ZMAT4: variants seen among roughly 807,000 people sequenced by gnomAD.
ZMAT4 encodes zinc finger matrin-type protein 4.
Under a neutral mutation model 28.7 loss-of-function variants are expected in ZMAT4, and 17 were observed. The observed-to-expected ratio is 0.59, with a 90% CI of 0.41 to 0.89. The LOEUF is 0.89. Among genes scored for constraint, ZMAT4 ranks in the 40% least tolerant of loss-of-function variants. ZMAT4 has a pLI of 0.00. For synonymous variants in ZMAT4, 117 were observed against 109.2 expected (o/e 1.07, Z -0.44); for missense variants, 240 against 283.8 (o/e 0.85, Z 1.11).
intron 2 of ZMAT4, among the ~76,000 whole-genome samples, chr8:40,789,673 C>T (rs1445078246): frequency 1.3e-5 from 2 of 151,928 alleles, no homozygotes; most frequent in Non-Finnish European, 2.9e-5. Flanking sequence ...TCTCATGTAC[C>T]CCATAAATAT....
At chr8:40,687,627 C>T (rs553274501) in intron 4 of ZMAT4, among the ~76,000 whole-genome samples, 4 of 152,232 alleles carry the variant, frequency 2.6e-5, no homozygotes, top group African/African-American at 9.6e-5. Flanking sequence ...GTATGGACCT[C>T]TTTCTCTCTG....
chr8:40,545,672 G>A (rs1204858301), intron 6 of ZMAT4, among the ~76,000 whole-genome samples: 1 of 152,142 alleles, frequency 6.6e-6, no homozygotes, highest in African/African-American at 2.4e-5. Flanking sequence ...GAAGTCAGGA[G>A]AAAGGCCTCA....
chr8:40,637,580 T>A (rs571982041), intron 5 of ZMAT4, among the ~76,000 whole-genome samples: 1 of 152,206 alleles, frequency 6.6e-6, no homozygotes, highest in Non-Finnish European at 1.5e-5. Flanking sequence ...AATTCCCCAA[T>A]GCCATATTAA....
intron 2 of ZMAT4, among the ~76,000 whole-genome samples, chr8:40,812,943 A>AG (rs1815383501): frequency 2.2e-5 from 1 of 46,318 alleles, no homozygotes; most frequent in Non-Finnish European, 6.1e-5. Flanking sequence ...CAAAAATTAA[A>AG]TTAAATTAAA....
intron 2 of ZMAT4, among the ~76,000 whole-genome samples, chr8:40,769,786 G>GTTT (rs5891121): frequency 6.9e-6 from 1 of 145,120 alleles, no homozygotes; most frequent in African/African-American, 2.5e-5. Flanking sequence ...GTTTGTGGCT[G>GTTT]TTTTTTTTTT....
At chr8:40,895,928 C>T (rs1649498992) in intron 1 of ZMAT4, among the ~76,000 whole-genome samples, 1 of 152,136 alleles carries the variant, frequency 6.6e-6, no homozygotes, top group South Asian at 2.1e-4. Flanking sequence ...CTAACCATGC[C>T]CACCGGCTGG....
At chr8:40,760,056 A>G (rs1025733177) in intron 3 of ZMAT4, among the ~76,000 whole-genome samples, 5 of 152,084 alleles carry the variant, frequency 3.3e-5, no homozygotes, top group African/African-American at 1.2e-4. Context: ...ACTTTGTCCC[A>G]CTCTTATGCT....
At chr8:40,721,103 T>C (rs1811068917) in intron 3 of ZMAT4, among the ~76,000 whole-genome samples, 1 of 140,776 alleles carries the variant, frequency 7.1e-6, no homozygotes, top group Admixed American at 7.1e-5. Context: ...GCATTAGGTA[T>C]ATCTCCCAAT....
chr8:40,688,646 A>T (rs569567812), intron 4 of ZMAT4, among the ~76,000 whole-genome samples: 1 of 152,128 alleles, frequency 6.6e-6, no homozygotes, highest in Non-Finnish European at 1.5e-5. Flanking sequence ...TTAGCAGGAA[A>T]TCCTACACAA....
At chr8:40,831,655 C>T (rs1334664952) in intron 1 of ZMAT4, among the ~76,000 whole-genome samples, 1 of 152,252 alleles carries the variant, frequency 6.6e-6, no homozygotes, top group Non-Finnish European at 1.5e-5. Flanking sequence ...TCCACCCATA[C>T]TATCCCTCAC....
intron 1 of ZMAT4, among the ~76,000 whole-genome samples, chr8:40,845,826 G>C (rs533957650): frequency 4.6e-5 from 7 of 151,290 alleles, no homozygotes; most frequent in African/African-American, 9.7e-5. Context: ...GGAGGGGGCA[G>C]GGAGGGTGAA....
intron 3 of ZMAT4, among the ~76,000 whole-genome samples, chr8:40,714,974 A>G (rs1395912104): frequency 1.4e-5 from 2 of 139,916 alleles, no homozygotes; most frequent in Admixed American, 1.6e-4. Flanking sequence ...GCTTGAACTC[A>G]GGAGTCGGAG....
intron 3 of ZMAT4, among the ~76,000 whole-genome samples, chr8:40,740,992 GCACACA>G (rs5891118): frequency 0.13 from 19,189 of 148,492 alleles, 1,577 homozygotes; most frequent in East Asian, 0.3. Flanking sequence ...TGATAAATGC[GCACACA>G]CACACACACA....
At chr8:40,677,426 G>C (rs979874980) in intron 4 of ZMAT4, among the ~76,000 whole-genome samples, 4 of 152,086 alleles carry the variant, frequency 2.6e-5, no homozygotes, top group African/African-American at 9.7e-5. Context: ...ACAGAACTCT[G>C]GTTGGGTGGG....
At chr8:40,557,884 T>C (rs1163665779) in intron 6 of ZMAT4, among the ~76,000 whole-genome samples, 1 of 152,062 alleles carries the variant, frequency 6.6e-6, no homozygotes, top group East Asian at 1.9e-4. Context: ...GATTGATTGA[T>C]AGATTGATAT....
chr8:40,712,771 G>A (rs565902198), intron 3 of ZMAT4, among the ~76,000 whole-genome samples: 1 of 152,304 alleles, frequency 6.6e-6, no homozygotes, highest in African/African-American at 2.4e-5. Context: ...GAGGAACAGA[G>A]CTTTGCTAGC....
chr8:40,854,655 T>A (rs927278973), intron 1 of ZMAT4, among the ~76,000 whole-genome samples: 1 of 152,046 alleles, frequency 6.6e-6, no homozygotes, highest in African/African-American at 2.4e-5. Flanking sequence ...CCTAAGAGGA[T>A]CCCAAAGACC....
At chr8:40,790,184 G>A (rs1814264389) in intron 2 of ZMAT4, among the ~76,000 whole-genome samples, 1 of 152,102 alleles carries the variant, frequency 6.6e-6, no homozygotes, top group Non-Finnish European at 1.5e-5. Context: ...CATTTGGATG[G>A]TCTTCATTTA....
intron 2 of ZMAT4, among the ~76,000 whole-genome samples, chr8:40,771,373 G>A (rs1011598964): frequency 2.0e-5 from 3 of 151,664 alleles, no homozygotes; most frequent in Non-Finnish European, 4.4e-5. Context: ...AGGATATGGG[G>A]AGTATGACTG....
Sources: gnomAD v4.1 joint callset for allele counts (sites outside exome capture counted in the v4.1 genomes callset) on GRCh38, gnomAD v4.1.1 for gene constraint, MANE v1.5 for transcripts, NCBI Gene and HGNC (gene_info 2026-07-23, HGNC 2026-07-21) for gene names.